SCMH1: variants seen among roughly 807,000 people sequenced by gnomAD.
SCMH1 encodes the protein polycomb protein SCMH1.
Under a neutral mutation model 70.8 loss-of-function variants are expected in SCMH1, and 37 were observed. The observed-to-expected ratio is 0.52, with a 90% CI of 0.40 to 0.69. The LOEUF (loss-of-function observed/expected upper bound fraction) is 0.69. SCMH1 is among the 30% of genes least tolerant of loss of function. The probability of loss-of-function intolerance (pLI) is 0.00; values close to 1 mark genes in which losing one functional copy is unlikely to be tolerated. For synonymous variants in SCMH1, 292 were observed against 307.4 expected (o/e 0.95, Z 0.52); for missense variants, 607 against 827.3 (o/e 0.73, Z 3.27).
rs143103467 is a variant in SCMH1, at chr1:41,160,153, A to G, written c.106+722T>C. Reference sequence around the variant, plus strand: ...AAAGGCAAGAGGAGGCAAATAGACAATGATAATAATAGAGCTAAATAAATA... The same window carrying G: ...AAAGGCAAGAGGAGGCAAATAGACAGTGATAATAATAGAGCTAAATAAATA... On this transcript the variant is annotated intron_variant, in intron 4 of 14. Coordinates refer to ENST00000337495, the Ensembl canonical transcript of SCMH1. Among the ~76,000 whole-genome samples, 238 of 152,338 alleles carry G rather than the reference A, an allele frequency of 1.6e-3. 3 individuals are homozygous for G. Among genetic ancestry groups the G allele is most frequent in the East Asian group, 0.013 (65 of 5,184 alleles).
intron 1 of SCMH1, among the ~76,000 whole-genome samples, chr1:41,200,429 G>A (rs762078075): frequency 6.6e-6 from 1 of 151,688 alleles, no homozygotes; most frequent in Non-Finnish European, 1.5e-5. Flanking sequence ...GCAGTGAGCT[G>A]AGACTGCGCC....
intron 1 of SCMH1, among the ~76,000 whole-genome samples, chr1:41,191,668 T>C (rs1018382541): frequency 2.0e-5 from 3 of 152,202 alleles, no homozygotes; most frequent in Admixed American, 6.5e-5. Context: ...TAGCCAATGT[T>C]TGCATTTGGT....
Position 41,070,728 on chromosome 1 carries a change from AAATG to A in SCMH1, c.979-11_979-8del. The A allele has an allele frequency of 1.9e-6, 3 of 1,613,918 alleles. No homozygotes were observed. Among genetic ancestry groups the A allele is most frequent in the Non-Finnish European group, 2.5e-6 (3 of 1,179,870 alleles). On this transcript the variant is annotated splice_region_variant and splice_polypyrimidine_tract_variant and intron_variant, in intron 9 of 14. Coordinates refer to ENST00000337495, the Ensembl canonical transcript of SCMH1. ...GCAAAGTCCGAGGTTTCCTCTGTCA[AAATG>A]AATGGGAAAAAAATTGCTACCCATG... is the stretch of plus-strand genomic sequence containing the variant.
At chr1:41,235,721 T>TG (rs1662252546) in intron 1 of SCMH1, among the ~76,000 whole-genome samples, 1 of 152,202 alleles carries the variant, frequency 6.6e-6, no homozygotes, top group South Asian at 2.1e-4. Flanking sequence ...GCATTATTCT[T>TG]GGTCTTTTCT....
chr1:41,033,580 G>C, intron 13 of SCMH1, among the ~76,000 whole-genome samples: 1 of 152,082 alleles, frequency 6.6e-6, no homozygotes, highest in East Asian at 1.9e-4. Flanking sequence ...CAATGTGTAC[G>C]GCTGGCACTT....
intron 1 of SCMH1, among the ~76,000 whole-genome samples, chr1:41,193,958 T>C (rs1652378245): frequency 6.6e-6 from 1 of 152,208 alleles, no homozygotes; most frequent in Non-Finnish European, 1.5e-5. Flanking sequence ...TTCATACAGC[T>C]TGCATACTAC....
At chr1:41,078,732 T>C (rs1659105715) in intron 8 of SCMH1, among the ~76,000 whole-genome samples, 1 of 152,162 alleles carries the variant, frequency 6.6e-6, no homozygotes, top group African/African-American at 2.4e-5. Flanking sequence ...GATTTTCAAA[T>C]AATCAAAGTT....
chr1:41,152,661 T>C (rs200344064), intron 4 of SCMH1: 4 of 1,614,174 alleles, frequency 2.5e-6, no homozygotes, highest in African/African-American at 1.3e-5. Context: ...TAAAACACTG[T>C]AGCAAACCAG....
At chr1:41,201,965 C>G (rs1654457781) in intron 1 of SCMH1, among the ~76,000 whole-genome samples, 3 of 152,162 alleles carry the variant, frequency 2.0e-5, no homozygotes, top group Admixed American at 2.0e-4. Context: ...ACAGAACTAG[C>G]AGGAACCAAG....
chr1:41,164,924 G>A (rs750188204), intron 2 of SCMH1, among the ~76,000 whole-genome samples: 1 of 151,828 alleles, frequency 6.6e-6, no homozygotes, highest in South Asian at 2.1e-4. Flanking sequence ...TAGCTATTTC[G>A]AAATACATAA....
At chr1:41,152,516 T>C in intron 4 of SCMH1, 1 of 1,428,434 alleles carries the variant, frequency 7.0e-7, no homozygotes, top group Non-Finnish European at 9.8e-7. Flanking sequence ...GAACATTTGA[T>C]ACAGACCTCA....
At chr1:41,034,127 G>A (rs1487839531) in intron 13 of SCMH1, 79 bp from the exon 14 acceptor site, 1 of 1,535,144 alleles carries the variant, frequency 6.5e-7, no homozygotes, top group Non-Finnish European at 8.8e-7. Context: ...GACCTGAGAG[G>A]TGAGATGACT....
At chr1:41,123,923 GGA>G (rs1410312294) in intron 6 of SCMH1, among the ~76,000 whole-genome samples, 1 of 152,180 alleles carries the variant, frequency 6.6e-6, no homozygotes, top group African/African-American at 2.4e-5. Context: ...CAGTATCTCA[GGA>G]GAGCCATTTT....
intron 10 of SCMH1, among the ~76,000 whole-genome samples, chr1:41,063,513 G>A (rs2148825099): frequency 6.6e-6 from 1 of 151,740 alleles, no homozygotes; most frequent in Non-Finnish European, 1.5e-5. Flanking sequence ...ACCAAAAGCT[G>A]GTTTGTTGAA....
At chr1:41,146,551 T>G (rs1319712646) in intron 5 of SCMH1, among the ~76,000 whole-genome samples, 2 of 152,138 alleles carry the variant, frequency 1.3e-5, no homozygotes, top group Non-Finnish European at 2.9e-5. Flanking sequence ...CCATATTTTT[T>G]TTTTTACTGT....
At chr1:41,185,550 T>C (rs563468011) in intron 2 of SCMH1, among the ~76,000 whole-genome samples, 1 of 152,338 alleles carries the variant, frequency 6.6e-6, no homozygotes, top group Non-Finnish European at 1.5e-5. Context: ...GCTTGCATTG[T>C]ATTTCTGCTG....
At chr1:41,090,907 C>T (rs990076977) in intron 8 of SCMH1, among the ~76,000 whole-genome samples, 8 of 151,676 alleles carry the variant, frequency 5.3e-5, no homozygotes, top group South Asian at 4.2e-4. Flanking sequence ...GGCGCAGTGG[C>T]GGGTGCCTGT....
chr1:41,209,093 C>G (rs533234282), intron 1 of SCMH1, among the ~76,000 whole-genome samples: 1 of 151,614 alleles, frequency 6.6e-6, no homozygotes, highest in East Asian at 1.9e-4. Flanking sequence ...AATGCCTCTA[C>G]GCAAATAAAC....
intron 6 of SCMH1, among the ~76,000 whole-genome samples, 162 bp downstream of exon 6, chr1:41,142,716 C>T (rs1353662679): frequency 6.6e-6 from 1 of 152,194 alleles, no homozygotes; most frequent in Middle Eastern, 3.4e-3. Flanking sequence ...TGGAGATGTC[C>T]AAATTGTGCA....
Sources: gnomAD v4.1 joint callset for allele counts (sites outside exome capture counted in the v4.1 genomes callset) on GRCh38, gnomAD v4.1.1 for gene constraint, MANE v1.5 for transcripts, NCBI Gene and HGNC (gene_info 2026-07-23, HGNC 2026-07-21) for gene names.